Variants in PCDHGB5 observed in about 807,000 individuals in gnomAD.
PCDHGB5 encodes protocadherin gamma subfamily B, 5, also known as protocadherin gamma-B5.
In PCDHGB5, 48 loss-of-function variants were observed where a neutral mutation model predicts 62.9. The observed-to-expected ratio is 0.76, with a 90% CI of 0.61 to 0.97. The LOEUF is 0.97. Among genes scored for constraint, PCDHGB5 ranks in the 50% least tolerant of loss-of-function variants. The pLI, the probability that PCDHGB5 is intolerant of heterozygous loss-of-function variation, is 0.00. For missense variants in PCDHGB5, 1,118 were observed against 1,198.6 expected (o/e 0.93, Z 0.99); for synonymous variants, 474 against 511.2 (o/e 0.93, Z 0.98).
At position 141,399,007 on chromosome 5, in the gene PCDHGB5, A is replaced by G. The variant is rs1403288140; in HGVS notation, c.880A>G (p.Ser294Gly). 6.2e-7 allele frequency: 1 copy of G among 1,613,948 alleles called. No individual in the cohort carries two copies. ...GCAAATCTTTAGTCTGAATTCAAAG[A>G]GCGGAGAAATTACCACTCAAAAGAA... ...TGQIFSLNSKSGEITTQKKLD... is the reference protein window; with the variant it reads ...TGQIFSLNSKGGEITTQKKLD... The change falls in exon 1 of 4, where the codon AGC becomes GGC. Residue 294 changes from serine (S) to glycine (G), a missense_variant. Physicochemically the swap from Ser to Gly is moderately conservative, Grantham distance 56. Around this residue, in one of 2 missense-constraint regions of PCDHGB5, gnomAD observed 1,034 missense variants for 1,029.1 expected, o/e 1.00. Coordinates refer to ENST00000617380, the MANE Select transcript of PCDHGB5 (RefSeq NM_018925.3).
At chr5:141,415,293 C>T in intron 1 of PCDHGB5, 1 of 1,614,192 alleles carries the variant, frequency 6.2e-7, no homozygotes, top group Non-Finnish European at 8.5e-7. Flanking sequence ...CGGTCTCCTG[C>T]GTCTTCCTGG....
At chr5:141,402,284 T>C (rs2150926780) in intron 1 of PCDHGB5, among the ~76,000 whole-genome samples, 1 of 152,054 alleles carries the variant, frequency 6.6e-6, no homozygotes, top group African/African-American at 2.4e-5. Context: ...GGATAATCTA[T>C]CCTTATATAT....
In PCDHGB5 at chr5:141,413,895, T is replaced by C. The variant is rs749075692; in HGVS notation, c.2397+13371T>C. On this transcript the variant is annotated intron_variant, in intron 1 of 3. Transcript: ENST00000617380. ...TCAGTGTGACTGTCTTCGATGCAAATGACAACGCGCCGGTCTTCACCTTGC... is the reference window on the plus strand; with the variant it reads ...TCAGTGTGACTGTCTTCGATGCAAACGACAACGCGCCGGTCTTCACCTTGC... 7 of 1,613,190 alleles carry C rather than the reference T, an allele frequency of 4.3e-6. No individual in the cohort carries two copies. The South Asian group carries it at 6.6e-5, about 15-fold the overall frequency.
At chr5:141,421,508 A>G (rs780491148) in intron 1 of PCDHGB5, 1 of 1,614,046 alleles carries the variant, frequency 6.2e-7, no homozygotes, top group Non-Finnish European at 8.5e-7. Flanking sequence ...ATAGACCGGG[A>G]GGAGCTCTGT....
rs951964805 is a variant in PCDHGB5, at chr5:141,512,109, C to A, written c.*936C>A. The A allele has an allele frequency of 1.0e-4, 16 of 152,656 alleles. No individual in the cohort carries two copies. The highest frequency in any genetic ancestry group is 1.5e-5 in the Non-Finnish European group (1 of 68,058). 9.5% of individuals were successfully genotyped at this position (152,656 alleles called of 1,614,324 possible). Reference sequence around the variant, plus strand: ...ACCAATAACTAGGCTGGACCCTTCCCACTACATAATAGGGCTCAGCCCAGG... The same window carrying A: ...ACCAATAACTAGGCTGGACCCTTCCAACTACATAATAGGGCTCAGCCCAGG... On this transcript the variant is annotated 3_prime_UTR_variant, in exon 4 of 4. Coordinates refer to ENST00000617380, the MANE Select transcript of PCDHGB5 (RefSeq NM_018925.3).
Position 141,478,294 on chromosome 5 carries a change from A to G in PCDHGB5, c.2398-16513A>G, listed in dbSNP as rs147994096. The G allele has an allele frequency of 3.6e-3, 5,805 of 1,614,110 alleles. 30 individuals are homozygous for G. Among genetic ancestry groups the G allele is most frequent in the Non-Finnish European group, 3.4e-3 (4,026 of 1,180,032 alleles). The stretch of plus-strand genomic sequence containing the variant: ...ACAAGTGGAAGCAGTCTAGAGACCT[A>G]TACCGAGCCCCGGTGAGCTCACTGT... On this transcript the variant is annotated intron_variant, in intron 1 of 3. Coordinates refer to ENST00000617380, the MANE Select transcript of PCDHGB5 (RefSeq NM_018925.3).
intron 2 of PCDHGB5, among the ~76,000 whole-genome samples, chr5:141,500,333 A>G (rs1237684682): frequency 6.6e-6 from 1 of 151,336 alleles, no homozygotes; most frequent in Non-Finnish European, 1.5e-5. Context: ...CTCAGCCTCC[A>G]GAATAGCTGG....
Position 141,491,755 on chromosome 5 carries a change from G to T in PCDHGB5, c.2398-3052G>T, listed in dbSNP as rs1402188587. 3 of 1,582,078 alleles carry T rather than the reference G, an allele frequency of 1.9e-6. No individual in the cohort carries two copies. Among genetic ancestry groups the T allele is most frequent in the Non-Finnish European group, 2.6e-6 (3 of 1,165,458 alleles). On this transcript the variant is annotated intron_variant, in intron 1 of 3. Coordinates refer to ENST00000617380, the MANE Select transcript of PCDHGB5 (RefSeq NM_018925.3). This position sits in a 1 kb window ranked among gnomAD's most constrained non-coding sequence, Gnocchi z 6.9. ...CCCTGGGGGCGGCACTGGAGAAGCC[G>T]CCCGTCCTCATAAGGGATTGAACTT...
Position 141,490,532 on chromosome 5 carries a change from C to T in PCDHGB5, c.2398-4275C>T. Reference sequence around the variant, plus strand: ...GAGCTGCTGGCCAGCGATGCTGGTTCACCTTCCCTACACAAACATCTCACC... The same window carrying T: ...GAGCTGCTGGCCAGCGATGCTGGTTTACCTTCCCTACACAAACATCTCACC... On this transcript the variant is annotated intron_variant, in intron 1 of 3. Coordinates refer to ENST00000617380, the MANE Select transcript of PCDHGB5 (RefSeq NM_018925.3). This position sits in a 1 kb window ranked among gnomAD's most constrained non-coding sequence, Gnocchi z 5.4. 6.2e-7 allele frequency: 1 copy of T among 1,614,142 alleles called. No homozygotes were observed. Among genetic ancestry groups the T allele is most frequent in the Non-Finnish European group, 8.5e-7 (1 of 1,180,030 alleles).
At chr5:141,510,139 G>T (rs931012964) in intron 3 of PCDHGB5, among the ~76,000 whole-genome samples, 1 of 152,136 alleles carries the variant, frequency 6.6e-6, no homozygotes, top group Non-Finnish European at 1.5e-5. Context: ...CTGGGCTAGT[G>T]GTGTGCACCT....
intron 1 of PCDHGB5, chr5:141,404,202 AAT>A: frequency 6.2e-7 from 1 of 1,613,738 alleles, no homozygotes; most frequent in Non-Finnish European, 8.5e-7. Context: ...AAAGCCTCAG[AAT>A]ATAATATCAC....
chr5:141,480,660 C>T (rs535356928), intron 1 of PCDHGB5, among the ~76,000 whole-genome samples: 2 of 152,170 alleles, frequency 1.3e-5, no homozygotes, highest in Non-Finnish European at 2.9e-5. Flanking sequence ...ACATTAAAAT[C>T]ACCTAGAGAC....
At position 141,413,207 on chromosome 5, in the gene PCDHGB5, C is replaced by T. The variant is rs563279284; in HGVS notation, c.2397+12683C>T. The T allele has an allele frequency of 4.7e-5, 76 of 1,612,874 alleles. 2 individuals carry two copies. The South Asian group carries it at 7.6e-4, about 16-fold the overall frequency. ...GCTCAAAGGAATCGCTCAAAGGAAT[C>T]AAAGGATTGCAGCGGGCTGGTCCTG... On this transcript the variant is annotated intron_variant, in intron 1 of 3. Coordinates refer to ENST00000617380, the MANE Select transcript of PCDHGB5 (RefSeq NM_018925.3).
At chr5:141,422,434 T>C in intron 1 of PCDHGB5, 5 of 1,609,566 alleles carry the variant, frequency 3.1e-6, no homozygotes, top group Non-Finnish European at 3.4e-6. Context: ...TGGAAATTAT[T>C]ACAAATTGAT....
chr5:141,463,910 A>G (rs2099071862), intron 1 of PCDHGB5, among the ~76,000 whole-genome samples: 1 of 152,178 alleles, frequency 6.6e-6, no homozygotes, highest in Admixed American at 6.5e-5. Flanking sequence ...CTAATAATAT[A>G]TCCTGGAAAT....
Position 141,476,008 on chromosome 5 carries a change from G to T in PCDHGB5, c.2398-18799G>T. 1 of 1,282,144 alleles carries T rather than the reference G, an allele frequency of 7.8e-7. No homozygotes were observed. Among genetic ancestry groups the T allele is most frequent in the Non-Finnish European group, 1.1e-6 (1 of 935,996 alleles). 79.4% of individuals were successfully genotyped at this position (1,282,144 alleles called of 1,614,324 possible). On this transcript the variant is annotated intron_variant, in intron 1 of 3. Coordinates refer to ENST00000617380, the MANE Select transcript of PCDHGB5 (RefSeq NM_018925.3). This position sits in a 1 kb window ranked among gnomAD's most constrained non-coding sequence, Gnocchi z 7.6. ...CGAGCAAATCAACGGCATCCAGAAA[G>T]CCATGTCGGACTCGGCGCCCAGCGC... is the stretch of plus-strand genomic sequence containing the variant.
intron 1 of PCDHGB5, chr5:141,410,849 C>CTTTTTTTTTTTTTTGTTTTTTTT (rs2095434772): frequency 7.7e-6 from 1 of 129,786 alleles, no homozygotes; most frequent in Admixed American, 1.1e-4. Flanking sequence ...TTGTCTTTGT[C>CTTTTTTTTTTTTTTGTTTTTTTT]TTTTTTTTTT....
chr5:141,488,807 C>G (rs2099679535), intron 1 of PCDHGB5, among the ~76,000 whole-genome samples: 1 of 152,170 alleles, frequency 6.6e-6, no homozygotes, highest in Non-Finnish European at 1.5e-5. Flanking sequence ...TGAGTACCAT[C>G]TGAGCTGTCA....
rs1248191692 is a variant in PCDHGB5, at chr5:141,419,519, G to T, written c.2397+18995G>T. The T allele has an allele frequency of 1.9e-6, 3 of 1,612,180 alleles. No homozygotes were observed. Among genetic ancestry groups the T allele is most frequent in the Non-Finnish European group, 1.7e-6 (2 of 1,179,504 alleles). ...TGTGAGCCTGCGCGTGTTGGTGGGC[G>T]ACCGTAACGACAACGCACCGCGGGT... On this transcript the variant is annotated intron_variant, in intron 1 of 3. Coordinates refer to ENST00000617380, the MANE Select transcript of PCDHGB5 (RefSeq NM_018925.3).
Sources: allele counts gnomAD v4.1 joint callset (sites outside exome capture counted in the v4.1 genomes callset), GRCh38; gene constraint gnomAD v4.1.1; regional missense constraint gnomAD v4.1.1; non-coding constraint Gnocchi (gnomAD v3.1); transcripts MANE v1.5; gene names NCBI Gene and HGNC (gene_info 2026-07-23, HGNC 2026-07-21).